The following SDK1 variants were observed in gnomAD, a reference collection of about 807,000 sequenced individuals.
SDK1 encodes the protein protein sidekick-1.
SDK1 carries 157 observed loss-of-function variants against 245.5 expected under a neutral mutation model. The observed-to-expected ratio is 0.64, with a 90% CI of 0.56 to 0.73. SDK1 has a LOEUF of 0.73. SDK1 is among the 30% of genes least tolerant of loss of function. The pLI, the probability that SDK1 is intolerant of heterozygous loss-of-function variation, is 0.00. For missense variants in SDK1, 3,583 were observed against 3,002.3 expected, an observed-to-expected ratio of 1.19 and a Z score of -4.52; for synonymous variants, 1,647 against 1,278.5, an observed-to-expected ratio of 1.29 and a Z score of -6.15.
At chr7:4,106,324 G>A (rs1225948628) in intron 22 of SDK1, among the ~76,000 whole-genome samples, 2 of 146,142 alleles carry the variant, frequency 1.4e-5, no homozygotes. Context: ...TTTTTTTTGA[G>A]ACGGAGCCTC....
intron 38 of SDK1, among the ~76,000 whole-genome samples, chr7:4,215,853 C>T (rs1784767711): frequency 6.6e-6 from 1 of 152,164 alleles, no homozygotes; most frequent in South Asian, 2.1e-4. Context: ...CCCTGCCCTG[C>T]TCCACTCCTC....
intron 4 of SDK1, among the ~76,000 whole-genome samples, chr7:3,753,349 C>T (rs553921597): frequency 6.6e-6 from 1 of 152,252 alleles, no homozygotes; most frequent in South Asian, 2.1e-4. Context: ...AAAACATCAC[C>T]ATCAGTATTA....
intron 4 of SDK1, among the ~76,000 whole-genome samples, chr7:3,716,510 C>T (rs968148982): frequency 4.6e-5 from 7 of 152,072 alleles, no homozygotes; most frequent in Non-Finnish European, 7.4e-5. Flanking sequence ...GTAATCCCAC[C>T]ACTTTGAGGG....
chr7:4,247,745 C>T (rs752199361), intron 44 of SDK1, among the ~76,000 whole-genome samples: 1 of 152,232 alleles, frequency 6.6e-6, no homozygotes, highest in Non-Finnish European at 1.5e-5. Flanking sequence ...AACGTGCACT[C>T]CTCTGCTGCC....
intron 4 of SDK1, among the ~76,000 whole-genome samples, chr7:3,766,351 C>T (rs1448383015): frequency 6.6e-6 from 1 of 152,186 alleles, no homozygotes; most frequent in Non-Finnish European, 1.5e-5. Context: ...AGTGTACTCA[C>T]TTATTTTTCA....
chr7:3,774,409 T>C (rs1354035123), intron 4 of SDK1, among the ~76,000 whole-genome samples: 1 of 152,134 alleles, frequency 6.6e-6, no homozygotes, highest in African/African-American at 2.4e-5. Flanking sequence ...AGTGTCCTTT[T>C]TGCCTACCAA....
intron 1 of SDK1, among the ~76,000 whole-genome samples, chr7:3,481,361 C>A (rs57075167): frequency 1.3e-5 from 2 of 152,112 alleles, no homozygotes; most frequent in African/African-American, 4.8e-5. Flanking sequence ...GGTACAGTTT[C>A]GTTTATTGAG....
At chr7:3,987,804 A>C (rs1176010217) in intron 14 of SDK1, among the ~76,000 whole-genome samples, 1 of 152,090 alleles carries the variant, frequency 6.6e-6, no homozygotes, top group Non-Finnish European at 1.5e-5. Context: ...CTTCTACATG[A>C]AACATGCTCC....
chr7:4,221,214 C>G (rs1035308142), intron 39 of SDK1, 25 bp from the exon 40 acceptor site: 1 of 1,611,474 alleles, frequency 6.2e-7, no homozygotes, highest in Non-Finnish European at 8.5e-7. Flanking sequence ...GATGCCTCAC[C>G]TCTCTTTTCT....
At chr7:4,067,802 A>G (rs750776396) in intron 19 of SDK1, 36 bp from the exon 20 acceptor site, 13 of 1,530,030 alleles carry the variant, frequency 8.5e-6, no homozygotes, top group South Asian at 2.3e-5. Flanking sequence ...AATTTGGGCT[A>G]TTGTGTTAAC....
intron 5 of SDK1, among the ~76,000 whole-genome samples, chr7:3,906,414 G>T (rs931725616): frequency 2.0e-5 from 3 of 151,884 alleles, no homozygotes; most frequent in Non-Finnish European, 4.4e-5. Context: ...GAGAGAGAGA[G>T]ACAGAGAGCG....
intron 13 of SDK1, among the ~76,000 whole-genome samples, chr7:3,979,277 G>A (rs1322641056): frequency 6.6e-6 from 1 of 152,184 alleles, no homozygotes; most frequent in African/African-American, 2.4e-5. Context: ...GTTGGGGAGG[G>A]ATGCTCTAAG....
chr7:3,326,430 C>T (rs1045087060), intron 1 of SDK1, among the ~76,000 whole-genome samples: 2 of 152,106 alleles, frequency 1.3e-5, no homozygotes, highest in Non-Finnish European at 2.9e-5. Context: ...ACTCTGATAT[C>T]ACTAGACATT....
intron 5 of SDK1, among the ~76,000 whole-genome samples, chr7:3,842,267 T>G (rs1780176055): frequency 6.6e-6 from 1 of 152,160 alleles, no homozygotes. Flanking sequence ...TCCCCAGACC[T>G]TAAGCTCTGC....
chr7:4,245,652 T>G (rs749087676), intron 43 of SDK1, 24 bp from the exon 44 acceptor site: 1 of 1,611,308 alleles, frequency 6.2e-7, no homozygotes, highest in South Asian at 1.1e-5. Flanking sequence ...CAGAGGGTAA[T>G]TGCAGCATGG....
intron 13 of SDK1, among the ~76,000 whole-genome samples, chr7:3,979,596 G>C (rs1288228950): frequency 1.3e-5 from 2 of 152,138 alleles, no homozygotes; most frequent in Non-Finnish European, 2.9e-5. Context: ...GGAGGGCTCT[G>C]CCTTCATCCC....
rs539039944 is a variant in SDK1 at position 4,124,432 on chromosome 7, G to A, written c.3824-2949G>A. Among the ~76,000 whole-genome samples the A allele has an allele frequency of 7.2e-5, 11 of 152,240 alleles. No individual in the cohort carries two copies. The South Asian group carries it at 1.5e-3, about 20-fold the overall frequency. ...TGTCCCCACAGAGTTCTCCCTGTGT[G>A]TGTCTGTCTCCTCCCATGGCACTCT... On this transcript the variant is annotated intron_variant, in intron 25 of 44. Transcript: ENST00000404826.
intron 4 of SDK1, among the ~76,000 whole-genome samples, chr7:3,737,126 A>G (rs1159032898): frequency 6.6e-6 from 1 of 152,218 alleles, no homozygotes; most frequent in Non-Finnish European, 1.5e-5. Flanking sequence ...ATAGTATTCT[A>G]GGTGTGCTCT....
chr7:3,585,927 G>T (rs187784680), intron 1 of SDK1, among the ~76,000 whole-genome samples: 21 of 152,282 alleles, frequency 1.4e-4, no homozygotes, highest in African/African-American at 5.1e-4. Flanking sequence ...CCATTTCTTT[G>T]TTGCTAAAGG....
Sources: allele counts gnomAD v4.1 joint callset (sites outside exome capture counted in the v4.1 genomes callset), GRCh38; gene constraint gnomAD v4.1.1; transcripts MANE v1.5; gene names NCBI Gene and HGNC (gene_info 2026-07-23, HGNC 2026-07-21).